Variants in WHAMM observed in about 807,000 individuals in gnomAD.
WHAMM encodes the protein WASP homolog associated with actin, golgi membranes and microtubules, also known as WASP homolog-associated protein with actin, membranes and microtubules.
Under a neutral mutation model 76.5 loss-of-function variants are expected in WHAMM, and 67 were observed. That is an observed-to-expected ratio of 0.88 (90% CI 0.72 to 1.07). The LOEUF (loss-of-function observed/expected upper bound fraction) is 1.07, where lower values mean the gene tolerates loss of function less well. WHAMM is among the 50% of genes least tolerant of loss of function. The pLI is 0.00. For missense variants in WHAMM, 1,021 were observed against 1,051.1 expected, an observed-to-expected ratio of 0.97 and a Z score of 0.40; for synonymous variants, 419 against 422.1, an observed-to-expected ratio of 0.99 and a Z score of 0.09.
Position 82,809,907 on chromosome 15 carries a change from T to C in WHAMM, c.181T>C (p.Leu61=), listed in dbSNP as rs1306872852. Reference sequence around the variant, plus strand: ...GCGGCGGCTGCGCGAGGGGGCCCGGTTGGGGCCCGAGCCCGAGCCCAAGCC... The same window carrying C: ...GCGGCGGCTGCGCGAGGGGGCCCGGCTGGGGCCCGAGCCCGAGCCCAAGCC... The part of the protein sequence containing the change: ...QQRRLREGAR[L]GPEPEPKPEA... The change falls in exon 1 of 10, where the codon TTG becomes CTG. Residue 61 remains leucine, a synonymous_variant. Transcript: ENST00000286760. 3.3e-6 allele frequency: 5 copies of C among 1,536,680 alleles called. No homozygotes were observed. The African/African-American group carries it at 5.7e-5, about 18-fold the overall frequency.
intron 7 of WHAMM, 36 bp downstream of exon 7, chr15:82,826,532 T>C (rs771611320): frequency 3.7e-6 from 6 of 1,605,468 alleles, no homozygotes; most frequent in Non-Finnish European, 5.1e-6. Context: ...TCTATGTTTG[T>C]GTAGCGTGAC....
In WHAMM at chr15:82,823,182, GGAT is replaced by G. The variant is rs1202417728; in HGVS notation, c.1357_1359del (p.Asp453del). On this transcript the variant is annotated inframe_deletion, in exon 6 of 10. Transcript: ENST00000286760. Reference sequence around the variant, plus strand: ...TCATTGACTGTGTGGTGGGGCTGCAGGATGATAAGAATTTGGAAGTGAAAGAAC... The same window carrying G: ...TCATTGACTGTGTGGTGGGGCTGCAGGATAAGAATTTGGAAGTGAAAGAAC... 3.2e-6 allele frequency: 5 copies of G among 1,579,288 alleles called. No individual in the cohort carries two copies. The highest frequency in any genetic ancestry group is 4.3e-6 in the Non-Finnish European group (5 of 1,159,706).
chr15:82,822,326 A>T (rs2050841666), intron 5 of WHAMM, among the ~76,000 whole-genome samples: 1 of 152,260 alleles, frequency 6.6e-6, no homozygotes, highest in Non-Finnish European at 1.5e-5. Flanking sequence ...AAAGATTTAT[A>T]CAGGGATGTT....
chr15:82,819,070 G>A (rs1021777915), intron 4 of WHAMM, among the ~76,000 whole-genome samples: 1 of 152,028 alleles, frequency 6.6e-6, no homozygotes, highest in Non-Finnish European at 1.5e-5. Context: ...AATTTTTGGG[G>A]GGACACCAAT....
Position 82,809,860 on chromosome 15 carries a change from G to C in WHAMM, c.134G>C (p.Cys45Ser). 1 of 1,600,730 alleles carries C rather than the reference G, an allele frequency of 6.2e-7. No homozygotes were observed. Among genetic ancestry groups the C allele is most frequent in the Non-Finnish European group, 8.5e-7 (1 of 1,174,346 alleles). Residue 45 changes from cysteine (C) to serine (S), a missense_variant, in exon 1 of 10, where the codon TGT becomes TCT. Coordinates refer to ENST00000286760, the MANE Select transcript of WHAMM (RefSeq NM_001080435.3). ...NGAEGKFAVT[C>S]HDRTAQQRRL... ...GCGGAGGGCAAGTTCGCTGTGACTT[G>C]TCACGACCGTACCGCGCAGCAGCGG...
chr15:82,829,176 T>A (rs1019770386), intron 8 of WHAMM, among the ~76,000 whole-genome samples: 1 of 152,196 alleles, frequency 6.6e-6, no homozygotes, highest in South Asian at 2.1e-4. Flanking sequence ...ATGTGCAATA[T>A]AAGGCAGAAC....
Position 82,830,642 on chromosome 15 carries a change from C to G in WHAMM, c.1685C>G (p.Pro562Arg). The change falls in exon 9 of 10, where the codon CCT becomes CGT. Residue 562 changes from proline (P) to arginine (R), a missense_variant. Pro to Arg is a moderately radical substitution (Grantham distance 103). Around this residue, in one of 3 missense-constraint regions of WHAMM, gnomAD observed 509 missense variants for 492.3 expected, o/e 1.03. Transcript: ENST00000286760. The part of the protein sequence containing the change: ...QSVRNTSGSE[P>R]VAPNLPSDLS... Reference sequence around the variant, plus strand: ...GTCCGAAACACCTCTGGCTCAGAACCTGTGGCTCCAAACCTGCCAAGTGAT... The same window carrying G: ...GTCCGAAACACCTCTGGCTCAGAACGTGTGGCTCCAAACCTGCCAAGTGAT... The G allele has an allele frequency of 1.2e-6, 2 of 1,613,920 alleles. No homozygotes were observed. The highest frequency in any genetic ancestry group is 1.7e-6 in the Non-Finnish European group (2 of 1,179,884).
rs1482665692 is a variant in WHAMM, at chr15:82,816,704, G to C, written c.796G>C (p.Glu266Gln). 17 of 1,553,288 alleles carry C rather than the reference G, an allele frequency of 1.1e-5. No individual in the cohort carries two copies. The South Asian group carries it at 1.9e-4, about 17-fold the overall frequency. Residue 266 changes from glutamate (E) to glutamine (Q), a missense_variant, in exon 3 of 10, where the codon GAG becomes CAG. By Grantham distance (29) the Glu-to-Gln change is conservative. Around this residue, in one of 3 missense-constraint regions of WHAMM, gnomAD observed 501 missense variants for 524.9 expected, o/e 0.95. Transcript: ENST00000286760. ...CKLDILKSLD[E>Q]DDLGPRRVVA... ...CTTCTGTCTGTAGAAGTCTTTGGAT[G>C]AGGATGACCTAGGTCCTAGAAGGGT...
intron 5 of WHAMM, 37 bp downstream of exon 5, chr15:82,819,525 A>T: frequency 9.4e-7 from 1 of 1,059,746 alleles, no homozygotes; most frequent in Non-Finnish European, 1.3e-6. Context: ...TGTTTAAATT[A>T]TAAATTTAAG....
intron 2 of WHAMM, among the ~76,000 whole-genome samples, chr15:82,815,111 TTA>T (rs147147568): frequency 0.018 from 916 of 49,558 alleles, 2 homozygotes; most frequent in Non-Finnish European, 0.025. Flanking sequence ...CTCACAGATT[TTA>T]TATATATATA....
At chr15:82,833,052 C>T (rs1024527291) in intron 9 of WHAMM, among the ~76,000 whole-genome samples, 177 bp from the exon 10 acceptor site, 2 of 152,202 alleles carry the variant, frequency 1.3e-5, no homozygotes, top group African/African-American at 2.4e-5. Flanking sequence ...TTCAGCTGTC[C>T]TGGATTCAAC....
chr15:82,825,348 G>A (rs1456890814), intron 6 of WHAMM, among the ~76,000 whole-genome samples: 1 of 151,814 alleles, frequency 6.6e-6, no homozygotes, highest in Non-Finnish European at 1.5e-5. Flanking sequence ...CACCTCCTTG[G>A]CAGTGTTTTT....
intron 5 of WHAMM, among the ~76,000 whole-genome samples, chr15:82,819,801 C>G (rs2050788550): frequency 6.6e-6 from 1 of 152,162 alleles, no homozygotes; most frequent in Non-Finnish European, 1.5e-5. Context: ...CCAGACCAGT[C>G]TGGCCAACAT....
chr15:82,819,296 T>TG, intron 4 of WHAMM, 27 bp from the exon 5 acceptor site: 1 of 933,666 alleles, frequency 1.1e-6, no homozygotes, highest in South Asian at 2.5e-5. Flanking sequence ...TATTTTAACT[T>TG]ATTTTTCTTT....
intron 9 of WHAMM, 56 bp from the exon 10 acceptor site, chr15:82,833,173 T>G: frequency 1.3e-6 from 2 of 1,539,542 alleles, no homozygotes; most frequent in African/African-American, 1.4e-5. Context: ...AGCAGTAATG[T>G]CCTGGGAAGG....
At chr15:82,820,467 A>C (rs373004152) in intron 5 of WHAMM, among the ~76,000 whole-genome samples, 11 of 152,336 alleles carry the variant, frequency 7.2e-5, no homozygotes, top group African/African-American at 2.4e-4. Context: ...GGTCAAGGGC[A>C]ATGTATATTT....
intron 6 of WHAMM, among the ~76,000 whole-genome samples, chr15:82,824,859 TACTTAAGAAAA>T (rs1397106110): frequency 6.6e-6 from 1 of 152,202 alleles, no homozygotes; most frequent in African/African-American, 2.4e-5. Context: ...TAAATACAAA[TACTTAAGAAAA>T]ACTTCGCTAG....
At chr15:82,818,549 G>A (rs2050767067) in intron 4 of WHAMM, among the ~76,000 whole-genome samples, 3 of 152,190 alleles carry the variant, frequency 2.0e-5, no homozygotes, top group African/African-American at 7.2e-5. Context: ...ACCAAGCTCA[G>A]TATTGAAATG....
At chr15:82,833,119 G>A (rs530778470) in intron 9 of WHAMM, 110 bp from the exon 10 acceptor site, 3 of 1,242,120 alleles carry the variant, frequency 2.4e-6, no homozygotes, top group Non-Finnish European at 3.3e-6. Context: ...GTGATTATTT[G>A]TTTAAATCAT....
Sources: allele counts gnomAD v4.1 joint callset (sites outside exome capture counted in the v4.1 genomes callset), GRCh38; gene constraint gnomAD v4.1.1; regional missense constraint gnomAD v4.1.1; transcripts MANE v1.5; gene names NCBI Gene and HGNC (gene_info 2026-07-23, HGNC 2026-07-21).